FAM81A: variants seen among roughly 807,000 people sequenced by gnomAD.
FAM81A encodes the protein protein FAM81A.
A neutral mutation model predicts 46.7 loss-of-function variants in FAM81A; 19 were observed. The ratio of observed to expected loss-of-function variants is 0.41; its 90% CI spans 0.28 to 0.60. FAM81A has a LOEUF of 0.60. FAM81A is among the 20% of genes least tolerant of loss of function. FAM81A has a pLI of 0.34. For missense variants in FAM81A, 377 were observed against 453.5 expected (o/e 0.83, Z 1.53); for synonymous variants, 183 against 152.9 (o/e 1.20, Z -1.45).
At chr15:59,486,887 G>C (rs2081923105) in intron 3 of FAM81A, among the ~76,000 whole-genome samples, 1 of 152,198 alleles carries the variant, frequency 6.6e-6, no homozygotes, top group East Asian at 1.9e-4. Flanking sequence ...AATGCTAAAA[G>C]GAGTTCTTCA....
rs955641909 is a variant in FAM81A at position 59,521,619 on chromosome 15, G to A, written c.*241G>A. 48 of 374,922 alleles carry A rather than the reference G, an allele frequency of 1.3e-4. No homozygotes were observed. Among genetic ancestry groups the A allele is most frequent in the African/African-American group, 9.6e-4 (46 of 47,912 alleles). The allele number at this position is 374,922 out of a possible 1,614,324, so 23.2% of individuals were successfully genotyped here. On this transcript the variant is annotated 3_prime_UTR_variant, in exon 9 of 9. Transcript: ENST00000288228. ...TCTCTAAATTCAATGGAAATCCCCC[G>A]CCCTGGATTTTGAAAGGCTTTTATC...
In FAM81A at chr15:59,486,464, T is replaced by C. The variant is rs138177699; in HGVS notation, c.295-5807T>C. 6.7e-3 allele frequency among the ~76,000 whole-genome samples: 1,022 copies of C among 151,832 alleles called. 12 individuals are homozygous for C. The highest frequency in any genetic ancestry group is 0.023 in the African/African-American group (966 of 41,414). On this transcript the variant is annotated intron_variant, in intron 3 of 8. Transcript: ENST00000288228. ...GAGGAGGTAGAGAGAGAAATAGTGG[T>C]AGAAAGTTTATCAAAAGGGATAACA... is the stretch of plus-strand genomic sequence containing the variant.
chr15:59,475,304 G>T (rs1262972371), intron 3 of FAM81A, among the ~76,000 whole-genome samples: 4 of 151,826 alleles, frequency 2.6e-5, no homozygotes, highest in African/African-American at 9.7e-5. Context: ...CACCACACCC[G>T]GCTGATTTTT....
chr15:59,398,304 T>G (rs2081055596), intron 1 of FAM81A, among the ~76,000 whole-genome samples: 1 of 152,214 alleles, frequency 6.6e-6, no homozygotes, highest in Non-Finnish European at 1.5e-5. Flanking sequence ...TTCATAGGAA[T>G]AAACACATGG....
At chr15:59,443,404 A>C (rs927752749) in intron 1 of FAM81A, among the ~76,000 whole-genome samples, 11 of 152,138 alleles carry the variant, frequency 7.2e-5, no homozygotes, top group Admixed American at 2.0e-4. Flanking sequence ...TAAAAAAAAG[A>C]TGTTTTCTGG....
At chr15:59,455,084 A>G (rs1359805595) in intron 1 of FAM81A, among the ~76,000 whole-genome samples, 2 of 130,786 alleles carry the variant, frequency 1.5e-5, no homozygotes, top group African/African-American at 5.8e-5. Context: ...TTTTTTTTGT[A>G]GAGATGGCAT....
At position 59,493,613 on chromosome 15, in the gene FAM81A, A is replaced by G. The variant is rs143294227; in HGVS notation, c.413+1224A>G. Reference sequence around the variant, plus strand: ...TTCTTTTCTTTTTATTTTTGAGACAATTCTCACTCTGTCTGCCAGGCTGGA... The same window carrying G: ...TTCTTTTCTTTTTATTTTTGAGACAGTTCTCACTCTGTCTGCCAGGCTGGA... On this transcript the variant is annotated intron_variant, in intron 4 of 8. Transcript: ENST00000288228. 6.7e-3 allele frequency among the ~76,000 whole-genome samples: 1,019 copies of G among 151,946 alleles called. 18 individuals are homozygous for G. The highest frequency in any genetic ancestry group is 0.024 in the African/African-American group (990 of 41,398).
intron 1 of FAM81A, among the ~76,000 whole-genome samples, chr15:59,452,720 A>G (rs765950798): frequency 5.9e-5 from 9 of 152,198 alleles, no homozygotes; most frequent in Non-Finnish European, 1.0e-4. Context: ...TGTAGTGTCA[A>G]TTCGAAAATG....
At chr15:59,430,022 G>C (rs2141563082) in intron 2 of FAM81A, among the ~76,000 whole-genome samples, 1 of 152,202 alleles carries the variant, frequency 6.6e-6, no homozygotes, top group Middle Eastern at 3.4e-3. Context: ...TACCATTCAT[G>C]AGAATAAACC....
intron 2 of FAM81A, among the ~76,000 whole-genome samples, chr15:59,427,806 G>T (rs2081201751): frequency 6.6e-6 from 1 of 152,106 alleles, no homozygotes; most frequent in African/African-American, 2.4e-5. Flanking sequence ...CCATTCATCT[G>T]CTGAATACAC....
At chr15:59,516,930 T>A in intron 8 of FAM81A, 90 bp downstream of exon 8, 1 of 1,210,314 alleles carries the variant, frequency 8.3e-7, no homozygotes, top group Non-Finnish European at 1.1e-6. Context: ...CCTATGAACC[T>A]GGCTAATGGT....
chr15:59,465,891 T>G (rs1387461558), intron 3 of FAM81A, among the ~76,000 whole-genome samples: 1 of 152,062 alleles, frequency 6.6e-6, no homozygotes, highest in Non-Finnish European at 1.5e-5. Context: ...TTCCCTGCCA[T>G]GTGTCCAAGT....
chr15:59,479,399 T>C (rs2081817661), intron 3 of FAM81A, among the ~76,000 whole-genome samples: 1 of 151,626 alleles, frequency 6.6e-6, no homozygotes, highest in Non-Finnish European at 1.5e-5. Flanking sequence ...TACTCCCAGC[T>C]GCTTGGGAGG....
chr15:59,441,735 C>T (rs2081299724), intron 1 of FAM81A, among the ~76,000 whole-genome samples: 1 of 152,252 alleles, frequency 6.6e-6, no homozygotes, highest in Non-Finnish European at 1.5e-5. Flanking sequence ...ATCTCCCTGT[C>T]TCCATGACAC....
At chr15:59,453,004 C>T (rs1287165707) in intron 1 of FAM81A, among the ~76,000 whole-genome samples, 2 of 152,200 alleles carry the variant, frequency 1.3e-5, no homozygotes, top group African/African-American at 4.8e-5. Flanking sequence ...CTCAAGTGAT[C>T]CTCCTGCCTC....
chr15:59,465,371 CA>C (rs1232101646), intron 3 of FAM81A, among the ~76,000 whole-genome samples: 10 of 152,180 alleles, frequency 6.6e-5, no homozygotes, highest in Admixed American at 1.3e-4. Context: ...CTCCCAGGTT[CA>C]AGTGTTTCTC....
At chr15:59,483,659 C>T (rs1194674850) in intron 3 of FAM81A, among the ~76,000 whole-genome samples, 1 of 152,114 alleles carries the variant, frequency 6.6e-6, no homozygotes, top group East Asian at 1.9e-4. Context: ...AGCAGATACC[C>T]AGGAATGTAA....
chr15:59,519,604 C>G (rs1453140532), intron 8 of FAM81A, among the ~76,000 whole-genome samples: 1 of 150,480 alleles, frequency 6.6e-6, no homozygotes, highest in East Asian at 1.9e-4. Context: ...CCCTCCCCTC[C>G]CCTTCCCTTC....
chr15:59,419,187 G>T (rs528018170), intron 2 of FAM81A, among the ~76,000 whole-genome samples: 11 of 152,234 alleles, frequency 7.2e-5, no homozygotes, highest in Non-Finnish European at 1.6e-4. Context: ...GCAGTAGTAA[G>T]GAATAATTTG....
Sources: allele counts gnomAD v4.1 joint callset (sites outside exome capture counted in the v4.1 genomes callset), GRCh38; gene constraint gnomAD v4.1.1; transcripts MANE v1.5; gene names NCBI Gene and HGNC (gene_info 2026-07-23, HGNC 2026-07-21).